Variants in FARS2 observed in about 807,000 individuals in gnomAD.
FARS2 encodes phenylalanine--tRNA ligase, mitochondrial.
FARS2 carries 40 observed loss-of-function variants against 46.4 expected under a neutral mutation model. The ratio of observed to expected loss-of-function variants is 0.86; its 90% CI spans 0.67 to 1.12. FARS2 has a LOEUF of 1.12. Among genes scored for constraint, FARS2 ranks in the 50% most tolerant of loss-of-function variants. The probability of loss-of-function intolerance (pLI) is 0.00; values close to 1 mark genes in which losing one functional copy is unlikely to be tolerated. For missense variants in FARS2, 513 were observed against 567.9 expected (o/e 0.90, Z 0.98); for synonymous variants, 234 against 214.9 (o/e 1.09, Z -0.78).
chr6:5,388,655 T>C (rs1374124794), intron 2 of FARS2, among the ~76,000 whole-genome samples: 1 of 152,210 alleles, frequency 6.6e-6, no homozygotes, highest in Non-Finnish European at 1.5e-5. Context: ...GACCCTGTTT[T>C]AGTTCCTGTA....
intron 4 of FARS2, among the ~76,000 whole-genome samples, chr6:5,525,988 G>C (rs1316895597): frequency 6.6e-6 from 1 of 152,212 alleles, no homozygotes; most frequent in Non-Finnish European, 1.5e-5. Flanking sequence ...TTTCTTTTTG[G>C]AAAGGTTGAA....
intron 5 of FARS2, chr6:5,610,285 G>T: frequency 3.8e-5 from 14 of 370,688 alleles, no homozygotes; most frequent in South Asian, 6.9e-5. Flanking sequence ...CGTATCTGTA[G>T]TTTTGATGCC....
chr6:5,383,571 G>A (rs1759926786), intron 2 of FARS2, among the ~76,000 whole-genome samples: 1 of 152,214 alleles, frequency 6.6e-6, no homozygotes, highest in South Asian at 2.1e-4. Flanking sequence ...CAACTCTTGA[G>A]TGGTGGTGAA....
chr6:5,332,914 GT>G (rs934798970), intron 1 of FARS2, among the ~76,000 whole-genome samples: 2 of 152,156 alleles, frequency 1.3e-5, no homozygotes, highest in African/African-American at 4.8e-5. Context: ...CTGAACATTG[GT>G]TTTTATTGAG....
upstream of FARS2, among the ~76,000 whole-genome samples, chr6:5,258,840 T>C (rs1300681386): frequency 6.6e-6 from 1 of 152,222 alleles, no homozygotes; most frequent in Non-Finnish European, 1.5e-5. Flanking sequence ...CATTTTCAAT[T>C]TTCTGCCTTT....
intron 6 of FARS2, among the ~76,000 whole-genome samples, chr6:5,695,998 A>C (rs1348668064): frequency 6.6e-6 from 1 of 152,216 alleles, no homozygotes; most frequent in African/African-American, 2.4e-5. Flanking sequence ...GAGAAATACA[A>C]ATTATTTGCT....
intron 4 of FARS2, among the ~76,000 whole-genome samples, chr6:5,467,526 A>T (rs1405505344): frequency 6.6e-6 from 1 of 152,204 alleles, no homozygotes; most frequent in Non-Finnish European, 1.5e-5. Flanking sequence ...TTCTTAGTCA[A>T]CGTTGCTATA....
At chr6:5,375,761 C>T (rs1440823029) in intron 2 of FARS2, among the ~76,000 whole-genome samples, 1 of 152,026 alleles carries the variant, frequency 6.6e-6, no homozygotes, top group East Asian at 1.9e-4. Context: ...TGTTCTGAGA[C>T]AGTTATCTCT....
chr6:5,462,464 C>T (rs1394296387), intron 4 of FARS2, among the ~76,000 whole-genome samples: 1 of 151,866 alleles, frequency 6.6e-6, no homozygotes, highest in Non-Finnish European at 1.5e-5. Flanking sequence ...TTTGACTAAC[C>T]CAAGTCACAT....
At chr6:5,559,473 C>T (rs1458578422) in intron 5 of FARS2, among the ~76,000 whole-genome samples, 2 of 152,178 alleles carry the variant, frequency 1.3e-5, no homozygotes, top group African/African-American at 4.8e-5. Flanking sequence ...TCCCTGATTT[C>T]ATTCTGCTTC....
chr6:5,757,489 A>G (rs891256506), intron 6 of FARS2, among the ~76,000 whole-genome samples: 4 of 152,090 alleles, frequency 2.6e-5, no homozygotes, highest in African/African-American at 9.7e-5. Context: ...AACCCAACCC[A>G]CTTGCCCCAA....
chr6:5,472,812 T>C (rs1433252596), intron 4 of FARS2, among the ~76,000 whole-genome samples: 2 of 152,186 alleles, frequency 1.3e-5, no homozygotes, highest in African/African-American at 4.8e-5. Context: ...ATATTCTGCC[T>C]AAGTAAAAAG....
chr6:5,301,802 TACACAC>T (rs143654686), intron 1 of FARS2, among the ~76,000 whole-genome samples: 4,535 of 132,382 alleles, frequency 0.034, 90 homozygotes, highest in Middle Eastern at 0.061. Flanking sequence ...CACACACACA[TACACAC>T]ACACACACAC....
intron 2 of FARS2, among the ~76,000 whole-genome samples, chr6:5,401,028 C>G (rs1761225158): frequency 6.6e-6 from 1 of 151,810 alleles, no homozygotes; most frequent in African/African-American, 2.4e-5. Flanking sequence ...TATATTCTGT[C>G]CATCCATTTG....
chr6:5,659,437 C>G (rs758761136), intron 6 of FARS2, among the ~76,000 whole-genome samples: 1 of 152,160 alleles, frequency 6.6e-6, no homozygotes, highest in African/African-American at 2.4e-5. Context: ...CACAGTACAG[C>G]GAAGTGACAG....
chr6:5,625,435 C>G (rs1175859591), intron 6 of FARS2, among the ~76,000 whole-genome samples: 1 of 152,150 alleles, frequency 6.6e-6, no homozygotes, highest in Non-Finnish European at 1.5e-5. Context: ...ATAACTGAGG[C>G]TTGAGTAGCA....
At chr6:5,601,164 C>G (rs1446471626) in intron 5 of FARS2, among the ~76,000 whole-genome samples, 2 of 152,146 alleles carry the variant, frequency 1.3e-5, no homozygotes. Context: ...GTTGTTCAAG[C>G]CACCGAGTCT....
At position 5,471,050 on chromosome 6, in the gene FARS2, A is replaced by G. The variant is rs78659700; in HGVS notation, c.904+39878A>G. ...TTCTTCCTGCTCTTACTGATCAGAAAAGGCTTTCTAAGCTAGAGTGTGAGA... is the reference window on the plus strand; with the variant it reads ...TTCTTCCTGCTCTTACTGATCAGAAGAGGCTTTCTAAGCTAGAGTGTGAGA... On this transcript the variant is annotated intron_variant, in intron 4 of 6. Coordinates refer to ENST00000274680, the MANE Select transcript of FARS2 (RefSeq NM_006567.5). This position sits in a 1 kb window ranked among gnomAD's most constrained non-coding sequence, Gnocchi z 4.1. 0.027 allele frequency among the ~76,000 whole-genome samples: 4,075 copies of G among 152,238 alleles called. 168 individuals are homozygous for G. Among genetic ancestry groups the G allele is most frequent in the African/African-American group, 0.093 (3,861 of 41,504 alleles).
At chr6:5,324,083 C>T (rs796467865) in intron 1 of FARS2, among the ~76,000 whole-genome samples, 6 of 152,172 alleles carry the variant, frequency 3.9e-5, no homozygotes, top group African/African-American at 1.4e-4. Context: ...CCAGTATGTA[C>T]TCTTAGTCTG....
Sources: gnomAD v4.1 joint callset for allele counts (sites outside exome capture counted in the v4.1 genomes callset) on GRCh38, gnomAD v4.1.1 for gene constraint, Gnocchi (gnomAD v3.1) non-coding constraint, MANE v1.5 for transcripts, NCBI Gene and HGNC (gene_info 2026-07-23, HGNC 2026-07-21) for gene names.